PRDM1: variants seen among roughly 807,000 people sequenced by gnomAD.
PRDM1 encodes the protein PR/SET domain 1.
In PRDM1, 13 loss-of-function variants were observed where a neutral mutation model predicts 62.8. The ratio of observed to expected loss-of-function variants is 0.21; its 90% CI spans 0.13 to 0.33. The LOEUF (loss-of-function observed/expected upper bound fraction) is 0.33. Ranked by LOEUF, PRDM1 falls within the 10% of genes least tolerant of loss-of-function variation. The pLI is 1.00. For synonymous variants in PRDM1, 396 were observed against 417.6 expected (o/e 0.95, Z 0.63); for missense variants, 895 against 1,058.8 (o/e 0.85, Z 2.15).
chr6:106,059,251 A>G (rs1244580573), intron 1 of PRDM1, among the ~76,000 whole-genome samples: 1 of 152,228 alleles, frequency 6.6e-6, no homozygotes, highest in African/African-American at 2.4e-5. Context: ...GTAAGGGAAT[A>G]GAGAAACAGG....
chr6:106,065,212 G>A (rs1289315718), intron 1 of PRDM1, among the ~76,000 whole-genome samples: 1 of 151,998 alleles, frequency 6.6e-6, no homozygotes, highest in Non-Finnish European at 1.5e-5. Context: ...CCCGGGTGCT[G>A]GACTCAAACC....
Position 106,026,507 on chromosome 6 carries a change from T to C in PRDM1, c.-67+32868T>C, listed in dbSNP as rs182449299. ...AAATAATAATAAATAATAATAATAA[T>C]AAAATAAAATAAAGAGCCGAAAACT... On this transcript the variant is annotated intron_variant, in intron 1 of 6. Coordinates refer to the PRDM1 transcript ENST00000652320. Among the ~76,000 whole-genome samples, 401 of 151,486 alleles carry C rather than the reference T, an allele frequency of 2.6e-3. 2 individuals are homozygous for C. The highest frequency in any genetic ancestry group is 0.02 in the Middle Eastern group (6 of 294).
At chr6:106,030,465 A>G (rs1772825695) in intron 1 of PRDM1, among the ~76,000 whole-genome samples, 1 of 152,082 alleles carries the variant, frequency 6.6e-6, no homozygotes, top group African/African-American at 2.4e-5. Flanking sequence ...GAGCCACCAT[A>G]CCCAGCCCAT....
At chr6:106,011,690 TG>T (rs1339022956) in intron 1 of PRDM1, among the ~76,000 whole-genome samples, 1 of 152,004 alleles carries the variant, frequency 6.6e-6, no homozygotes, top group Non-Finnish European at 1.5e-5. Flanking sequence ...CCCAGGTTAG[TG>T]GTATTGCCAA....
chr6:105,994,149 T>G lies in PRDM1; in HGVS notation c.-67+510T>G, dbSNP rs1230074851. On this transcript the variant is annotated intron_variant, in intron 1 of 6. Coordinates refer to the PRDM1 transcript ENST00000652320. This position sits in a 1 kb window ranked among gnomAD's most constrained non-coding sequence, Gnocchi z 4.1. ...GGAGAGGGAGGCGAAGAGCCCGCGC[T>G]GCTGGGCTGGGCTCGGGTGCCGCGC... is the stretch of plus-strand genomic sequence containing the variant. 1.3e-5 allele frequency among the ~76,000 whole-genome samples: 2 copies of G among 151,758 alleles called. No individual in the cohort carries two copies. Among genetic ancestry groups the G allele is most frequent in the South Asian group, 2.1e-4 (1 of 4,812 alleles).
At chr6:106,042,475 T>C (rs1182087323) in intron 1 of PRDM1, among the ~76,000 whole-genome samples, 1 of 151,050 alleles carries the variant, frequency 6.6e-6, no homozygotes, top group Non-Finnish European at 1.5e-5. Flanking sequence ...TGCAGTGAGC[T>C]GAGATCATGC....
At chr6:106,080,711 T>C (rs1377788578) in intron 1 of PRDM1, among the ~76,000 whole-genome samples, 1 of 152,196 alleles carries the variant, frequency 6.6e-6, no homozygotes, top group African/African-American at 2.4e-5. Flanking sequence ...CACATCCTAA[T>C]ACTTTTAATG....
upstream of PRDM1, among the ~76,000 whole-genome samples, chr6:106,046,999 G>A (rs1393946849): frequency 2.0e-5 from 3 of 152,174 alleles, no homozygotes; most frequent in Non-Finnish European, 4.4e-5. Context: ...CTTCTTTACT[G>A]ATATAGAAGT....
intron 1 of PRDM1, among the ~76,000 whole-genome samples, chr6:106,019,163 A>C (rs1375549680): frequency 6.7e-6 from 1 of 149,188 alleles, no homozygotes; most frequent in Non-Finnish European, 1.5e-5. Context: ...CTACTCAGGA[A>C]GCTGAGGCAC....
At chr6:106,008,120 C>T (rs575441760) in intron 1 of PRDM1, among the ~76,000 whole-genome samples, 2 of 152,336 alleles carry the variant, frequency 1.3e-5, no homozygotes, top group Admixed American at 1.3e-4. Context: ...CGCCTGTAAT[C>T]CCAACACTTT....
At chr6:106,054,443 G>A (rs1210949102) in intron 1 of PRDM1, among the ~76,000 whole-genome samples, 1 of 151,972 alleles carries the variant, frequency 6.6e-6, no homozygotes, top group Non-Finnish European at 1.5e-5. Flanking sequence ...GGCAGGGGCA[G>A]ATGGTGTCTT....
In PRDM1 at chr6:106,094,789, G is replaced by C. The variant is rs1393355414; in HGVS notation, c.292-826G>C. Among the ~76,000 whole-genome samples, 5 of 152,062 alleles carry C rather than the reference G, an allele frequency of 3.3e-5. 1 individual carries two copies. The East Asian group carries it at 9.6e-4, about 29-fold the overall frequency. On this transcript the variant is annotated intron_variant, in intron 2 of 6. Transcript: ENST00000369096. ...GTGATGGTGCATGCCTGTAGTCCCA[G>C]CTACTCAGGAGGCTGAGGTGGGAGG... is the stretch of plus-strand genomic sequence containing the variant.
chr6:106,065,211 T>C (rs1387121579), intron 1 of PRDM1, among the ~76,000 whole-genome samples: 1 of 152,130 alleles, frequency 6.6e-6, no homozygotes, highest in Non-Finnish European at 1.5e-5. Context: ...GCCCGGGTGC[T>C]GGACTCAAAC....
upstream of PRDM1, chr6:106,045,301 T>A (rs1773056985): frequency 6.6e-6 from 1 of 152,046 alleles, no homozygotes; most frequent in Non-Finnish European, 1.5e-5. Context: ...AAAACTTGAA[T>A]TAAGGGTTGC....
chr6:106,065,750 T>A (rs1260296445), intron 1 of PRDM1, among the ~76,000 whole-genome samples: 1 of 152,190 alleles, frequency 6.6e-6, no homozygotes, highest in Non-Finnish European at 1.5e-5. Flanking sequence ...GAGGTTAGGA[T>A]AAAAGAAGAT....
intron 3 of PRDM1, chr6:106,098,767 G>A: frequency 6.8e-7 from 1 of 1,473,288 alleles, no homozygotes; most frequent in South Asian, 1.2e-5. Flanking sequence ...TTTAGGACTT[G>A]GAGGGTTGGG....
rs191515209 is a variant in PRDM1, at chr6:106,006,654, G to T, written c.-67+13015G>T. On this transcript the variant is annotated intron_variant, in intron 1 of 6. Coordinates refer to the PRDM1 transcript ENST00000652320. Reference sequence around the variant, plus strand: ...CCAGATACCATCAAAGTATCCTCAGGGTTTGGGTGGTACACATAACGAAGA... The same window carrying T: ...CCAGATACCATCAAAGTATCCTCAGTGTTTGGGTGGTACACATAACGAAGA... Among the ~76,000 whole-genome samples, 62 of 152,070 alleles carry T rather than the reference G, an allele frequency of 4.1e-4. No homozygotes were observed. In the East Asian group the frequency reaches 0.012, roughly 28 times the overall value.
intron 1 of PRDM1, among the ~76,000 whole-genome samples, chr6:106,008,335 T>C (rs542114896): frequency 1.4e-3 from 216 of 152,300 alleles, no homozygotes; most frequent in Non-Finnish European, 2.4e-3. Context: ...ATCGTGCCAC[T>C]GTACTCCAGC....
chr6:106,053,802 G>T, intron 1 of PRDM1, among the ~76,000 whole-genome samples: 1 of 152,050 alleles, frequency 6.6e-6, no homozygotes, highest in African/African-American at 2.4e-5. Flanking sequence ...TATTTTACCA[G>T]TAGCACAGTG....
Sources: allele counts gnomAD v4.1 joint callset (sites outside exome capture counted in the v4.1 genomes callset), GRCh38; gene constraint gnomAD v4.1.1; non-coding constraint Gnocchi (gnomAD v3.1); transcripts MANE v1.5; gene names NCBI Gene and HGNC (gene_info 2026-07-23, HGNC 2026-07-21).